ZNF704: variants seen among roughly 807,000 people sequenced by gnomAD.
The protein encoded by ZNF704 is glucocorticoid induced gene 1.
A neutral mutation model predicts 44.7 loss-of-function variants in ZNF704; 10 were observed. That is an observed-to-expected ratio of 0.22 (90% CI 0.14 to 0.38). The LOEUF (loss-of-function observed/expected upper bound fraction) is 0.38, where lower values mean the gene tolerates loss of function less well. Among genes scored for constraint, ZNF704 ranks in the 10% least tolerant of loss-of-function variants. The pLI is 1.00. For synonymous variants in ZNF704, 211 were observed against 207.6 expected (o/e 1.02, Z -0.14); for missense variants, 390 against 545.5 (o/e 0.71, Z 2.84).
intron 3 of ZNF704, among the ~76,000 whole-genome samples, chr8:80,692,688 A>T (rs1229891303): frequency 6.6e-6 from 1 of 152,226 alleles, no homozygotes; most frequent in African/African-American, 2.4e-5. Context: ...ATAATTCATT[A>T]GCTCAATCTT....
intron 2 of ZNF704, among the ~76,000 whole-genome samples, chr8:80,719,447 T>C (rs757199108): frequency 6.6e-6 from 1 of 152,104 alleles, no homozygotes; most frequent in Non-Finnish European, 1.5e-5. Context: ...AAAGTAACAA[T>C]AACTACTATT....
chr8:80,643,248 G>T, intron 7 of ZNF704, 119 bp from the exon 8 acceptor site: 1 of 589,454 alleles, frequency 1.7e-6, no homozygotes, highest in Non-Finnish European at 2.7e-6. Flanking sequence ...GGCCAGGCAC[G>T]GTGATTCATA....
chr8:80,871,625 G>A (rs1188125681), intron 1 of ZNF704, among the ~76,000 whole-genome samples: 1 of 152,206 alleles, frequency 6.6e-6, no homozygotes, highest in African/African-American at 2.4e-5. Context: ...GCATCAGGAA[G>A]GTGTCCACTG....
rs1430384687 is a variant in ZNF704, at chr8:80,635,540, T to A, written c.*5826A>T. On this transcript the variant is annotated 3_prime_UTR_variant, in exon 9 of 9. Transcript: ENST00000327835. The stretch of plus-strand genomic sequence containing the variant: ...TAAGAATTCTATCTTTGGGCCTGTC[T>A]ACTATGATTTTAGAAATTTCCACCA... 6.6e-6 allele frequency: 1 copy of A among 152,252 alleles called. No individual in the cohort carries two copies. 9.4% of individuals were successfully genotyped at this position (152,252 alleles called of 1,614,324 possible).
intron 2 of ZNF704, among the ~76,000 whole-genome samples, chr8:80,693,651 G>GGGAA (rs1169339350): frequency 6.6e-6 from 1 of 152,142 alleles, no homozygotes; most frequent in Non-Finnish European, 1.5e-5. Flanking sequence ...CTGAGGGGCA[G>GGGAA]GGAAGTACAT....
At chr8:80,792,937 C>G (rs1227847423) in intron 2 of ZNF704, among the ~76,000 whole-genome samples, 1 of 152,228 alleles carries the variant, frequency 6.6e-6, no homozygotes, top group Admixed American at 6.5e-5. Context: ...TCCTGACCCA[C>G]AGAAACTGAT....
intron 2 of ZNF704, 119 bp downstream of exon 2, chr8:80,821,255 T>C: frequency 9.0e-7 from 1 of 1,109,964 alleles, no homozygotes; most frequent in Non-Finnish European, 1.3e-6. Context: ...AAAAAATTTC[T>C]TGGCAGAAAA....
intron 2 of ZNF704, among the ~76,000 whole-genome samples, chr8:80,735,269 C>A (rs1806647887): frequency 6.6e-6 from 1 of 152,204 alleles, no homozygotes; most frequent in African/African-American, 2.4e-5. Flanking sequence ...AAACTATACC[C>A]ATGACTTGGG....
intron 2 of ZNF704, among the ~76,000 whole-genome samples, chr8:80,723,853 T>C (rs1326914784): frequency 6.6e-6 from 1 of 152,210 alleles, no homozygotes; most frequent in Non-Finnish European, 1.5e-5. Flanking sequence ...TGGAAAACAC[T>C]GGTTAATCCA....
rs762898558 is a variant in ZNF704 at position 80,659,666 on chromosome 8, T to C, written c.951A>G (p.Pro317=). The part of the protein sequence containing the change: ...AYQATPPVTI[P]GSAKFTPNGS... ...CATTGGGGGTGAACTTGGCCGATCC[T>C]GGAATGGTCACAGGGGGTGTGGCCT... The change falls in exon 7 of 9, where the codon CCA becomes CCG. Residue 317 remains proline (P), a synonymous_variant. Coordinates refer to ENST00000327835, the MANE Select transcript of ZNF704 (RefSeq NM_001033723.3). 4 of 1,613,874 alleles carry C rather than the reference T, an allele frequency of 2.5e-6. No individual in the cohort carries two copies. The highest frequency in any genetic ancestry group is 3.4e-6 in the Non-Finnish European group (4 of 1,179,918).
intron 2 of ZNF704, among the ~76,000 whole-genome samples, chr8:80,817,765 C>T (rs75225740): frequency 0.035 from 5,328 of 152,086 alleles, 325 homozygotes; most frequent in African/African-American, 0.12. Flanking sequence ...AAAAAGATAT[C>T]AATAAAAAAA....
chr8:80,819,706 TA>T (rs1391206837), intron 2 of ZNF704, among the ~76,000 whole-genome samples: 1 of 152,140 alleles, frequency 6.6e-6, no homozygotes, highest in Non-Finnish European at 1.5e-5. Flanking sequence ...GAAATAATCC[TA>T]AATAACTTAA....
intron 1 of ZNF704, among the ~76,000 whole-genome samples, chr8:80,827,120 A>C (rs902187083): frequency 6.6e-6 from 1 of 152,218 alleles, no homozygotes; most frequent in Non-Finnish European, 1.5e-5. Context: ...AATTAGGAAA[A>C]GAGGAAGCCA....
intron 7 of ZNF704, among the ~76,000 whole-genome samples, chr8:80,647,049 GA>G (rs2131593022): frequency 6.6e-6 from 1 of 152,300 alleles, no homozygotes; most frequent in African/African-American, 2.4e-5. Context: ...TCATTCAACA[GA>G]TATTTATTAA....
intron 1 of ZNF704, among the ~76,000 whole-genome samples, chr8:80,839,277 T>C (rs1241727216): frequency 6.6e-6 from 1 of 152,206 alleles, no homozygotes; most frequent in Non-Finnish European, 1.5e-5. Context: ...TCAGAGCAGA[T>C]TAGAAGCAGA....
At chr8:80,828,048 A>C (rs1051824273) in intron 1 of ZNF704, among the ~76,000 whole-genome samples, 3 of 152,168 alleles carry the variant, frequency 2.0e-5, no homozygotes, top group Admixed American at 6.5e-5. Context: ...AAAGCAAGAA[A>C]ATTTTGGCAA....
At chr8:80,819,383 G>T (rs1345670042) in intron 2 of ZNF704, among the ~76,000 whole-genome samples, 1 of 152,026 alleles carries the variant, frequency 6.6e-6, no homozygotes, top group African/African-American at 2.4e-5. Flanking sequence ...TGGAATTAAA[G>T]AATAAAGGTA....
Position 80,637,017 on chromosome 8 carries a change from C to G in ZNF704, c.*4349G>C, listed in dbSNP as rs1817673520. ...TATTCACAATTACATTCAGAAAAAG[C>G]CTTACGTGAGTCTAGGAATACCACC... On this transcript the variant is annotated 3_prime_UTR_variant, in exon 9 of 9. Transcript: ENST00000327835. 1 of 152,226 alleles carries G rather than the reference C, an allele frequency of 6.6e-6. No individual in the cohort carries two copies. Among genetic ancestry groups the G allele is most frequent in the Non-Finnish European group, 1.5e-5 (1 of 68,024 alleles). 9.4% of individuals were successfully genotyped at this position (152,226 alleles called of 1,614,324 possible). A position where few individuals can be genotyped will look rare whatever the true frequency, so the allele number is the denominator to read the frequency against.
intron 1 of ZNF704, among the ~76,000 whole-genome samples, chr8:80,832,070 A>AT (rs1011265613): frequency 2.0e-5 from 3 of 152,222 alleles, no homozygotes; most frequent in Non-Finnish European, 4.4e-5. Flanking sequence ...CAAAGCTTCA[A>AT]TGTTCAATTA....
Sources: allele counts gnomAD v4.1 joint callset (sites outside exome capture counted in the v4.1 genomes callset), GRCh38; gene constraint gnomAD v4.1.1; transcripts MANE v1.5; gene names NCBI Gene and HGNC (gene_info 2026-07-23, HGNC 2026-07-21).